Variants in CHMP5 observed in about 807,000 individuals in gnomAD.
The protein encoded by CHMP5 is SNF7 domain containing 2.
Under a neutral mutation model 33.0 loss-of-function variants are expected in CHMP5, and 17 were observed. The ratio of observed to expected loss-of-function variants is 0.52; its 90% CI spans 0.35 to 0.77. CHMP5 has a LOEUF of 0.77. Ranked by LOEUF, CHMP5 falls within the 30% of genes least tolerant of loss-of-function variation. The pLI, the probability that CHMP5 is intolerant of heterozygous loss-of-function variation, is 0.01. For synonymous variants in CHMP5, 76 were observed against 90.2 expected (o/e 0.84, Z 0.89); for missense variants, 216 against 261.5 (o/e 0.83, Z 1.20).
At chr9:33,269,140 T>C (rs934343976) in intron 3 of CHMP5, among the ~76,000 whole-genome samples, 3 of 152,242 alleles carry the variant, frequency 2.0e-5, no homozygotes, top group African/African-American at 7.2e-5. Context: ...GATATAAAAC[T>C]GTATTTTAAA....
chr9:33,271,911 C>T (rs1263386566), intron 5 of CHMP5, among the ~76,000 whole-genome samples: 1 of 152,132 alleles, frequency 6.6e-6, no homozygotes, highest in East Asian at 1.9e-4. Context: ...GGTGTTGTTG[C>T]CTATTCCCAG....
intron 4 of CHMP5, 117 bp from the exon 5 acceptor site, chr9:33,271,035 C>A: frequency 2.5e-6 from 2 of 787,434 alleles, no homozygotes; most frequent in Non-Finnish European, 4.1e-6. Flanking sequence ...TGAGCCATTG[C>A]ACTCCAGCCT....
In CHMP5 at chr9:33,274,015, G is replaced by GT. The variant is rs563104786; in HGVS notation, c.388-2438dup. On this transcript the variant is annotated intron_variant, in intron 5 of 7. Coordinates refer to ENST00000223500, the MANE Select transcript of CHMP5 (RefSeq NM_016410.6). ...GTACTTGGAAATACAGAAAATCAAA[G>GT]TTTAAAAAAAAAATTTCCCCTCCAT... Among the ~76,000 whole-genome samples, 947 of 151,154 alleles carry GT rather than the reference G, an allele frequency of 6.3e-3. 8 individuals are homozygous for GT. Among genetic ancestry groups the GT allele is most frequent in the Non-Finnish European group, 0.01 (689 of 67,792 alleles).
chr9:33,273,024 G>GTGC (rs1307748171), intron 5 of CHMP5, among the ~76,000 whole-genome samples: 1 of 152,148 alleles, frequency 6.6e-6, no homozygotes, highest in South Asian at 2.1e-4. Context: ...CAAGGCTGGA[G>GTGC]TGCAGTGTGA....
At chr9:33,265,935 C>T in intron 1 of CHMP5, 75 bp from the exon 2 acceptor site, 4 of 916,132 alleles carry the variant, frequency 4.4e-6, no homozygotes, top group Admixed American at 4.0e-5. Flanking sequence ...CCTCTGTATT[C>T]CTTCCTCTCT....
chr9:33,280,636 A>G (rs1820911015), intron 7 of CHMP5, among the ~76,000 whole-genome samples, 173 bp from the exon 8 acceptor site: 1 of 151,956 alleles, frequency 6.6e-6, no homozygotes, highest in African/African-American at 2.4e-5. Flanking sequence ...TTCTTGATTC[A>G]TCACTTCCTC....
At chr9:33,276,275 A>G (rs535120017) in intron 5 of CHMP5, among the ~76,000 whole-genome samples, 181 bp from the exon 6 acceptor site, 1 of 152,378 alleles carries the variant, frequency 6.6e-6, no homozygotes, top group East Asian at 1.9e-4. Context: ...ATTGCTAGCC[A>G]AAGACTGGGA....
intron 2 of CHMP5, among the ~76,000 whole-genome samples, chr9:33,266,911 C>A (rs1442064705): frequency 6.6e-6 from 1 of 152,176 alleles, no homozygotes; most frequent in African/African-American, 2.4e-5. Flanking sequence ...ACATAAAATA[C>A]TGTGTTTAAG....
chr9:33,265,286 T>C, intron 1 of CHMP5, 139 bp downstream of exon 1: 1 of 775,462 alleles, frequency 1.3e-6, no homozygotes, highest in Non-Finnish European at 2.2e-6. Context: ...TATCTCACCT[T>C]CTCCCCTTCA....
intron 1 of CHMP5, 96 bp from the exon 2 acceptor site, chr9:33,265,914 C>A: frequency 1.4e-6 from 1 of 710,364 alleles, no homozygotes; most frequent in African/African-American, 1.8e-5. Flanking sequence ...CCCTTAAGCT[C>A]CTCTTTTCTT....
chr9:33,280,936 C>A lies in CHMP5; in HGVS notation c.*77C>A. 1 of 1,262,738 alleles carries A rather than the reference C, an allele frequency of 7.9e-7. No homozygotes were observed. The highest frequency in any genetic ancestry group is 1.1e-6 in the Non-Finnish European group (1 of 902,698). The allele number at this position is 1,262,738 out of a possible 1,614,324, so 78.2% of individuals were successfully genotyped here. A position where few individuals can be genotyped will look rare whatever the true frequency, so the allele number is the denominator to read the frequency against. On this transcript the variant is annotated 3_prime_UTR_variant, in exon 8 of 8. Coordinates refer to ENST00000223500, the MANE Select transcript of CHMP5 (RefSeq NM_016410.6). ...GGAAATATTTATCTTTCCAAATTTG[C>A]CATAACAGATTTAGGTTTCTTTCCT...
rs775773302 is a variant in CHMP5 at position 33,267,804 on chromosome 9, G to A, written c.175-49G>A. Reference sequence around the variant, plus strand: ...GAGGCTATGGGAAATTTCTTTTACCGTATATGTGTTTTCCACCTTATTTTT... The same window carrying A: ...GAGGCTATGGGAAATTTCTTTTACCATATATGTGTTTTCCACCTTATTTTT... On this transcript the variant is annotated intron_variant, in intron 2 of 7. Transcript: ENST00000223500. The A allele has an allele frequency of 1.2e-5, 15 of 1,273,756 alleles. No individual in the cohort carries two copies. In the East Asian group the frequency reaches 1.6e-4, roughly 14 times the overall value. The allele number at this position is 1,273,756 out of a possible 1,614,324, so 78.9% of individuals were successfully genotyped here. A position where few individuals can be genotyped will look rare whatever the true frequency, so the allele number is the denominator to read the frequency against.
rs556792195 is a variant in CHMP5, at chr9:33,269,970, G to C, written c.222-653G>C. On this transcript the variant is annotated intron_variant, in intron 3 of 7. Transcript: ENST00000223500. ...GCCTGGGCAACAAAAGTGAAACTCT[G>C]TCTCAAAAAAAAAGATATGCAGCAA... Among the ~76,000 whole-genome samples the C allele has an allele frequency of 3.3e-5, 5 of 152,022 alleles. No homozygotes were observed. The South Asian group carries it at 1.0e-3, about 32-fold the overall frequency.
Position 33,281,026 on chromosome 9 carries a change from G to A in CHMP5, c.*167G>A. 2.2e-6 allele frequency: 1 copy of A among 453,460 alleles called. No individual in the cohort carries two copies. Among genetic ancestry groups the A allele is most frequent in the Non-Finnish European group, 3.9e-6 (1 of 258,670 alleles). 28.1% of individuals were successfully genotyped at this position (453,460 alleles called of 1,614,324 possible). On this transcript the variant is annotated 3_prime_UTR_variant, in exon 8 of 8. Transcript: ENST00000223500. ...TTTCCATTAAGAGACTCATTGCTTGGGAAATGCTTTCTTCGTACTAAAATT... is the reference window on the plus strand; with the variant it reads ...TTTCCATTAAGAGACTCATTGCTTGAGAAATGCTTTCTTCGTACTAAAATT...
chr9:33,277,845 T>C, intron 6 of CHMP5: 1 of 297,270 alleles, frequency 3.4e-6, no homozygotes, highest in South Asian at 6.0e-5. Flanking sequence ...TCATTTTTTT[T>C]CCACTTATTT....
intron 2 of CHMP5, among the ~76,000 whole-genome samples, 159 bp downstream of exon 2, chr9:33,266,273 C>A (rs1409865933): frequency 6.6e-6 from 1 of 152,198 alleles, no homozygotes; most frequent in Non-Finnish European, 1.5e-5. Context: ...GCATTTGAGA[C>A]TAGCCTGGCC....
chr9:33,280,979 T>A lies in CHMP5; in HGVS notation c.*120T>A. ...TCTTTCCTTTCTTTGAAGGAAAGTT[T>A]AATTACATTGCTCTTTTATTTTTTC... On this transcript the variant is annotated 3_prime_UTR_variant, in exon 8 of 8. Transcript: ENST00000223500. The A allele has an allele frequency of 1.5e-6, 1 of 687,444 alleles. No individual in the cohort carries two copies. Among genetic ancestry groups the A allele is most frequent in the Non-Finnish European group, 2.4e-6 (1 of 416,688 alleles). 42.6% of individuals were successfully genotyped at this position (687,444 alleles called of 1,614,324 possible). A position where few individuals can be genotyped will look rare whatever the true frequency, so the allele number is the denominator to read the frequency against.
chr9:33,273,214 C>T (rs1481283684), intron 5 of CHMP5, among the ~76,000 whole-genome samples: 4 of 152,104 alleles, frequency 2.6e-5, no homozygotes, highest in East Asian at 1.9e-4. Flanking sequence ...TCAAGTGATC[C>T]GCCCACCTCG....
chr9:33,280,661 A>G, intron 7 of CHMP5, 148 bp from the exon 8 acceptor site: 1 of 612,660 alleles, frequency 1.6e-6, no homozygotes, highest in South Asian at 2.9e-5. Flanking sequence ...ACCTTTCATG[A>G]AAAAGCTTGT....
Sources: gnomAD v4.1 joint callset for allele counts (sites outside exome capture counted in the v4.1 genomes callset) on GRCh38, gnomAD v4.1.1 for gene constraint, MANE v1.5 for transcripts, NCBI Gene and HGNC (gene_info 2026-07-23, HGNC 2026-07-21) for gene names.